PPFIBP1: variants seen among roughly 807,000 people sequenced by gnomAD.
The protein encoded by PPFIBP1 is liprin-beta-1.
PPFIBP1 carries 112 observed loss-of-function variants against 137.8 expected under a neutral mutation model. The ratio of observed to expected loss-of-function variants is 0.81; its 90% confidence interval spans 0.70 to 0.95. The LOEUF is 0.95. Ranked by LOEUF, PPFIBP1 falls within the 40% of genes least tolerant of loss-of-function variation. The probability of loss-of-function intolerance (pLI) is 0.00; values close to 1 mark genes in which losing one functional copy is unlikely to be tolerated. For synonymous variants in PPFIBP1, 378 were observed against 417.3 expected, an observed-to-expected ratio of 0.91 and a Z score of 1.15; for missense variants, 1,083 against 1,196.6, an observed-to-expected ratio of 0.91 and a Z score of 1.40.
intron 4 of PPFIBP1, among the ~76,000 whole-genome samples, chr12:27,638,862 CAT>C: frequency 6.6e-6 from 1 of 151,740 alleles, no homozygotes; most frequent in South Asian, 2.1e-4. Flanking sequence ...TAATAACAGA[CAT>C]ATAATTAAGG....
intron 2 of PPFIBP1, among the ~76,000 whole-genome samples, chr12:27,595,883 C>G (rs147919268): frequency 4.7e-5 from 1 of 21,218 alleles, no homozygotes; most frequent in African/African-American, 1.6e-4. Context: ...ACAACAACAA[C>G]AAAATATATA....
At chr12:27,563,955 C>A (rs1441893072) in intron 1 of PPFIBP1, among the ~76,000 whole-genome samples, 5 of 151,588 alleles carry the variant, frequency 3.3e-5, no homozygotes, top group Non-Finnish European at 7.4e-5. Context: ...TCACTGCAAC[C>A]CCCGCCTCCT....
rs1282301890 is a variant in PPFIBP1 at position 27,550,997 on chromosome 12, T to A, written c.-124+26632T>A. On this transcript the variant is annotated intron_variant, in intron 1 of 29. Transcript: ENST00000228425. ...TAATTTTATATATATATATATTTTT[T>A]TTTTTTTAACAAACGTGAAAACTGA... Among the ~76,000 whole-genome samples the A allele has an allele frequency of 1.7e-3, 204 of 121,120 alleles. 1 individual carries two copies. Among genetic ancestry groups the A allele is most frequent in the African/African-American group, 3.9e-3 (112 of 28,590 alleles). The allele number at this position is 121,120 out of a possible 152,430, so 79.5% of individuals were successfully genotyped here. A position where few individuals can be genotyped will look rare whatever the true frequency, so the allele number is the denominator to read the frequency against.
chr12:27,640,157 C>G (rs569581225), intron 4 of PPFIBP1, among the ~76,000 whole-genome samples: 1 of 152,182 alleles, frequency 6.6e-6, no homozygotes, highest in African/African-American at 2.4e-5. Context: ...ACAAATTGAT[C>G]AAATCGGCAG....
rs1044297244 is a variant in PPFIBP1, at chr12:27,654,516, C to T, written c.604-206C>T. The T allele has an allele frequency of 5.8e-5, 30 of 518,412 alleles. 1 individual carries two copies. Among genetic ancestry groups the T allele is most frequent in the Middle Eastern group, 5.5e-4 (1 of 1,834 alleles). The allele number at this position is 518,412 out of a possible 1,614,324, so 32.1% of individuals were successfully genotyped here. Reference sequence around the variant, plus strand: ...CATAAGCCCATCACTTTAGGGCAGACGCATTGGGGATTTAAAGGAATGTTT... The same window carrying T: ...CATAAGCCCATCACTTTAGGGCAGATGCATTGGGGATTTAAAGGAATGTTT... On this transcript the variant is annotated intron_variant, in intron 7 of 29. Coordinates refer to ENST00000228425, the MANE Select transcript of PPFIBP1 (RefSeq NM_003622.4).
chr12:27,557,244 T>TG (rs2048772253), intron 1 of PPFIBP1, among the ~76,000 whole-genome samples: 1 of 151,062 alleles, frequency 6.6e-6, no homozygotes, highest in Non-Finnish European at 1.5e-5. Flanking sequence ...AACAATTTTT[T>TG]TTTTTTTTTG....
At chr12:27,560,937 A>ACT (rs1555193481) in intron 1 of PPFIBP1, among the ~76,000 whole-genome samples, 15 of 151,998 alleles carry the variant, frequency 9.9e-5, no homozygotes, top group African/African-American at 3.6e-4. Context: ...TGAAGAGATG[A>ACT]TTTTTGCTAG....
At chr12:27,577,524 G>A (rs1054872352) in intron 1 of PPFIBP1, among the ~76,000 whole-genome samples, 7 of 152,132 alleles carry the variant, frequency 4.6e-5, no homozygotes, top group Admixed American at 1.3e-4. Flanking sequence ...CAAAAGGAAC[G>A]TTCACTGTTC....
At chr12:27,654,002 T>A (rs561883126) in intron 7 of PPFIBP1, among the ~76,000 whole-genome samples, 274 of 152,202 alleles carry the variant, frequency 1.8e-3, no homozygotes, top group Non-Finnish European at 3.6e-3. Context: ...TTCAACACTA[T>A]TGCTAAAATG....
chr12:27,548,137 C>G (rs940515073), intron 1 of PPFIBP1: 1 of 152,168 alleles, frequency 6.6e-6, no homozygotes, highest in African/African-American at 2.4e-5. Context: ...CACCTGATTA[C>G]GGTGTAACAG....
chr12:27,655,776 T>G (rs2059159431), intron 8 of PPFIBP1, among the ~76,000 whole-genome samples: 2 of 152,222 alleles, frequency 1.3e-5, no homozygotes, highest in Non-Finnish European at 2.9e-5. Context: ...GAACTACATC[T>G]TCTCATAGTA....
rs2057555972 is a variant in PPFIBP1 at position 27,635,113 on chromosome 12, A to G, written c.268A>G (p.Met90Val). ...GCTTGTTGAATGGCTTCAGAGTCAAATGGTAGGGTCTGCCTGTTCCAAATT... is the reference window on the plus strand; with the variant it reads ...GCTTGTTGAATGGCTTCAGAGTCAAGTGGTAGGGTCTGCCTGTTCCAAATT... ...ETLVEWLQSQ[M>V]TNGHLPGNGD... The change falls in exon 4 of 30, where the codon ATG becomes GTG. Residue 90 changes from methionine to valine, a missense_variant and splice_region_variant. Met to Val is a conservative substitution (Grantham distance 21, BLOSUM62 1). Transcript: ENST00000228425. 1 of 1,614,088 alleles carries G rather than the reference A, an allele frequency of 6.2e-7. No homozygotes were observed. The highest frequency in any genetic ancestry group is 8.5e-7 in the Non-Finnish European group (1 of 1,179,920).
chr12:27,614,284 C>G (rs1236775884), intron 2 of PPFIBP1, among the ~76,000 whole-genome samples: 1 of 152,026 alleles, frequency 6.6e-6, no homozygotes, highest in Admixed American at 6.5e-5. Context: ...GAAGCTGAGG[C>G]AGGAAGATCA....
chr12:27,561,070 G>A (rs1222337023), intron 1 of PPFIBP1, among the ~76,000 whole-genome samples: 1 of 152,196 alleles, frequency 6.6e-6, no homozygotes, highest in Non-Finnish European at 1.5e-5. Context: ...TTGCCAACTG[G>A]TTAAAGCCAG....
At chr12:27,597,713 C>T (rs1338919893) in intron 2 of PPFIBP1, among the ~76,000 whole-genome samples, 1 of 152,190 alleles carries the variant, frequency 6.6e-6, no homozygotes, top group South Asian at 2.1e-4. Context: ...CCAGCGTAAA[C>T]CACCAAAGTT....
At chr12:27,621,280 C>T (rs1445893642) in intron 2 of PPFIBP1, among the ~76,000 whole-genome samples, 4 of 152,254 alleles carry the variant, frequency 2.6e-5, no homozygotes, top group East Asian at 1.9e-4. Flanking sequence ...TAAAAACAGG[C>T]AGTGGGCTAG....
rs1566019235 is a variant in PPFIBP1, at chr12:27,687,446, T to C, written c.2309T>C (p.Ile770Thr). Residue 770 changes from isoleucine (I) to threonine (T), a missense_variant, in exon 25 of 30, where the codon ATC (isoleucine) becomes ACC (threonine). By Grantham distance (89) the Ile-to-Thr change is moderately conservative. Coordinates refer to ENST00000228425, the MANE Select transcript of PPFIBP1 (RefSeq NM_003622.4). The stretch of plus-strand genomic sequence containing the variant: ...CACCATCTCAGTATCAAAAGGGCCA[T>C]CCAGGTCCTGAGGATCAATAACTTT... ...VLHHLSIKRAIQVLRINNFEP... is the reference protein window; with the variant it reads ...VLHHLSIKRATQVLRINNFEP... 5.0e-6 allele frequency: 8 copies of C among 1,614,024 alleles called. No individual in the cohort carries two copies. The highest frequency in any genetic ancestry group is 6.8e-6 in the Non-Finnish European group (8 of 1,179,912).
At chr12:27,526,842 A>G (rs1943816302) in intron 1 of PPFIBP1, among the ~76,000 whole-genome samples, 1 of 152,214 alleles carries the variant, frequency 6.6e-6, no homozygotes, top group Admixed American at 6.5e-5. Context: ...TCTCAAAAAT[A>G]AATAAATAAA....
intron 2 of PPFIBP1, among the ~76,000 whole-genome samples, chr12:27,587,267 T>A (rs1054141941): frequency 6.6e-6 from 1 of 152,202 alleles, no homozygotes; most frequent in African/African-American, 2.4e-5. Flanking sequence ...GAAGTCAAAT[T>A]AATATCTAAG....
Sources: allele counts gnomAD v4.1 joint callset (sites outside exome capture counted in the v4.1 genomes callset), GRCh38; gene constraint gnomAD v4.1.1; transcripts MANE v1.5; gene names NCBI Gene and HGNC (gene_info 2026-07-23, HGNC 2026-07-21).